The following NINL variants were observed in gnomAD, a reference collection of about 807,000 sequenced individuals.
The protein encoded by NINL is ninein-like protein.
In NINL, 153 loss-of-function variants were observed where a neutral mutation model predicts 160.3. The observed-to-expected ratio is 0.95, with a 90% CI of 0.84 to 1.09. NINL has a LOEUF of 1.09. NINL is among the 50% of genes least tolerant of loss of function. The pLI, the probability that NINL is intolerant of heterozygous loss-of-function variation, is 0.00. For missense variants in NINL, 1,829 were observed against 1,764.0 expected (o/e 1.04, Z -0.66); for synonymous variants, 800 against 734.8 (o/e 1.09, Z -1.43).
At chr20:25,570,648 T>C (rs1288924359) in intron 1 of NINL, among the ~76,000 whole-genome samples, 1 of 151,978 alleles carries the variant, frequency 6.6e-6, no homozygotes, top group African/African-American at 2.4e-5. Context: ...CAGATACTTT[T>C]TTTTTTTTAG....
intron 1 of NINL, among the ~76,000 whole-genome samples, chr20:25,528,746 G>C (rs913168028): frequency 1.3e-5 from 2 of 152,192 alleles, no homozygotes; most frequent in South Asian, 2.1e-4. Flanking sequence ...CCACAAAAAC[G>C]GCAATTTCAT....
intron 23 of NINL, among the ~76,000 whole-genome samples, chr20:25,454,760 G>C (rs1402803368): frequency 6.6e-6 from 1 of 152,166 alleles, no homozygotes; most frequent in Non-Finnish European, 1.5e-5. Context: ...TCAGGGCACA[G>C]CACTGCTGCA....
chr20:25,485,065 C>T (rs575698741), intron 13 of NINL, among the ~76,000 whole-genome samples: 2 of 152,166 alleles, frequency 1.3e-5, no homozygotes, highest in South Asian at 2.1e-4. Context: ...TATGAAAAAG[C>T]GAGGAGGACA....
chr20:25,474,944 C>A (rs1350418130), intron 17 of NINL, among the ~76,000 whole-genome samples: 1 of 151,848 alleles, frequency 6.6e-6, no homozygotes, highest in South Asian at 2.1e-4. Context: ...CACGCCACCA[C>A]ACTAATTTTT....
chr20:25,455,648 G>A (rs915950676), intron 23 of NINL, 25 bp downstream of exon 23: 12 of 1,545,232 alleles, frequency 7.8e-6, no homozygotes, highest in African/African-American at 2.7e-5. Context: ...ACGTGAACAC[G>A]AAAGCAGCAG....
intron 1 of NINL, among the ~76,000 whole-genome samples, chr20:25,561,393 C>T (rs1004426732): frequency 6.8e-4 from 104 of 152,300 alleles, no homozygotes; most frequent in African/African-American, 2.4e-3. Flanking sequence ...CAACCTCCAC[C>T]TCCCAGCCGT....
At chr20:25,563,119 T>C (rs2064963546) in intron 1 of NINL, among the ~76,000 whole-genome samples, 2 of 152,332 alleles carry the variant, frequency 1.3e-5, no homozygotes, top group South Asian at 4.1e-4. Flanking sequence ...TGAGCCAAGA[T>C]GGCGCCACTG....
At chr20:25,498,811 C>A (rs943438199) in intron 8 of NINL, 1 of 757,534 alleles carries the variant, frequency 1.3e-6, no homozygotes, top group Non-Finnish European at 1.6e-6. Flanking sequence ...CCCACAGCAG[C>A]CCTCAGGCTT....
intron 13 of NINL, among the ~76,000 whole-genome samples, 165 bp from the exon 14 acceptor site, chr20:25,482,265 C>T (rs2063407247): frequency 6.6e-6 from 1 of 152,230 alleles, no homozygotes; most frequent in African/African-American, 2.4e-5. Flanking sequence ...TTTTAAGTCG[C>T]TAACATCATG....
intron 9 of NINL, among the ~76,000 whole-genome samples, chr20:25,497,450 A>G (rs1046294081): frequency 1.3e-5 from 2 of 152,218 alleles, no homozygotes; most frequent in African/African-American, 4.8e-5. Context: ...CTATCTGCAG[A>G]GCTGCCTGAG....
At chr20:25,455,953 G>A (rs535233261) in intron 22 of NINL, among the ~76,000 whole-genome samples, 167 bp from the exon 23 acceptor site, 5 of 152,140 alleles carry the variant, frequency 3.3e-5, no homozygotes, top group East Asian at 1.9e-4. Context: ...AAAATTAGCC[G>A]TGTGTGGTGG....
In NINL at chr20:25,503,979, T is replaced by C; in HGVS notation, c.834A>G (p.Lys278=). 3 of 1,614,116 alleles carry C rather than the reference T, an allele frequency of 1.9e-6. 1 individual carries two copies. The South Asian group carries it at 3.3e-5, about 18-fold the overall frequency. The part of the protein sequence containing the change: ...ALLLESSTRV[K]PSKAWSHYQV... Reference sequence around the variant, plus strand: ...GGTAATGAGACCAAGCCTTGCTCGGTTTAACCCGAGTGGAAGACTCTAGAA... The same window carrying C: ...GGTAATGAGACCAAGCCTTGCTCGGCTTAACCCGAGTGGAAGACTCTAGAA... The change falls in exon 7 of 24, where the codon AAA becomes AAG. Residue 278 remains lysine (K), a synonymous_variant. Coordinates refer to ENST00000278886, the MANE Select transcript of NINL (RefSeq NM_025176.6).
At chr20:25,520,035 T>C (rs1421750071) in intron 2 of NINL, among the ~76,000 whole-genome samples, 8 of 69,272 alleles carry the variant, frequency 1.2e-4, no homozygotes, top group African/African-American at 1.9e-4. Flanking sequence ...AGAGTATGTA[T>C]TGTGTATTAA....
At chr20:25,540,890 G>A (rs2064651798) in intron 1 of NINL, among the ~76,000 whole-genome samples, 1 of 150,738 alleles carries the variant, frequency 6.6e-6, no homozygotes, top group South Asian at 2.1e-4. Context: ...TATTTTGCAG[G>A]CACAGACCCA....
chr20:25,513,048 A>C, intron 3 of NINL, 42 bp from the exon 4 acceptor site: 1 of 1,571,232 alleles, frequency 6.4e-7, no homozygotes, highest in Non-Finnish European at 8.7e-7. Context: ...CCTTTATAGC[A>C]GTTCTGGGCC....
chr20:25,496,919 A>C lies in NINL; in HGVS notation c.1170-116T>G, dbSNP rs1002203604. On this transcript the variant is annotated intron_variant, in intron 9 of 23. Coordinates refer to ENST00000278886, the MANE Select transcript of NINL (RefSeq NM_025176.6). ...TGATAGAAACTAGCACACCAACTAT[A>C]CAGCGGGCACTGCTCCACCAGCCTG... The C allele has an allele frequency of 7.6e-6, 10 of 1,318,826 alleles. No homozygotes were observed. In the African/African-American group the frequency reaches 1.0e-4, roughly 14 times the overall value. 81.7% of individuals were successfully genotyped at this position (1,318,826 alleles called of 1,614,324 possible). A position where few individuals can be genotyped will look rare whatever the true frequency, so the allele number is the denominator to read the frequency against.
chr20:25,533,454 G>A (rs753438170), intron 1 of NINL, among the ~76,000 whole-genome samples: 9 of 152,058 alleles, frequency 5.9e-5, no homozygotes, highest in Non-Finnish European at 1.2e-4. Flanking sequence ...GTCAACAGCA[G>A]AATCGGAAGA....
intron 19 of NINL, among the ~76,000 whole-genome samples, chr20:25,465,311 T>C (rs2062885304): frequency 6.6e-6 from 1 of 152,110 alleles, no homozygotes. Flanking sequence ...ATGCAGGGGA[T>C]GTGTTGTCCA....
At position 25,458,519 on chromosome 20, in the gene NINL, G is replaced by A; in HGVS notation, c.3707C>T (p.Ala1236Val). The change falls in exon 22 of 24, where the codon GCT (alanine) becomes GTT (valine). Residue 1236 changes from alanine to valine, a missense_variant. Coordinates refer to ENST00000278886, the MANE Select transcript of NINL (RefSeq NM_025176.6). ...LEESQDQVQG[A>V]HLRLRQAQAQ... Reference sequence around the variant, plus strand: ...CTGGGCCTGCCTCAGCCTCAGGTGAGCTCCCTGCACCTGCATGGGGAAGGG... The same window carrying A: ...CTGGGCCTGCCTCAGCCTCAGGTGAACTCCCTGCACCTGCATGGGGAAGGG... 2 of 1,596,782 alleles carry A rather than the reference G, an allele frequency of 1.3e-6. No homozygotes were observed. The highest frequency in any genetic ancestry group is 1.3e-5 in the African/African-American group (1 of 74,930).
Sources: gnomAD v4.1 joint callset for allele counts (sites outside exome capture counted in the v4.1 genomes callset) on GRCh38, gnomAD v4.1.1 for gene constraint, MANE v1.5 for transcripts, NCBI Gene and HGNC (gene_info 2026-07-23, HGNC 2026-07-21) for gene names.